Variants in KALRN observed in about 807,000 individuals in gnomAD.
The protein encoded by KALRN is kalirin RhoGEF kinase, also known as kalirin.
KALRN carries 70 observed loss-of-function variants against 353.7 expected under a neutral mutation model. That is an observed-to-expected ratio of 0.20 (90% confidence interval 0.16 to 0.24). The LOEUF is 0.24. Ranked by LOEUF, KALRN falls within the 10% of genes least tolerant of loss-of-function variation. The pLI, the probability that KALRN is intolerant of heterozygous loss-of-function variation, is 1.00. For synonymous variants in KALRN, 1,391 were observed against 1,434.8 expected (o/e 0.97, Z 0.69); for missense variants, 2,791 against 3,756.7 (o/e 0.74, Z 6.72).
At chr3:124,711,878 C>T (rs1232761239) in intron 57 of KALRN, among the ~76,000 whole-genome samples, 2 of 152,146 alleles carry the variant, frequency 1.3e-5, no homozygotes, top group Non-Finnish European at 2.9e-5. Context: ...CATAGGAGAT[C>T]TATTTTGCTA....
intron 1 of KALRN, among the ~76,000 whole-genome samples, chr3:124,054,951 T>C (rs2041387922): frequency 7.8e-6 from 1 of 128,314 alleles, no homozygotes; most frequent in South Asian, 3.3e-4. Context: ...TTTTAATTAG[T>C]GGAGTTTATA....
At chr3:124,440,410 A>G (rs2150577318) in intron 18 of KALRN, among the ~76,000 whole-genome samples, 1 of 152,266 alleles carries the variant, frequency 6.6e-6, no homozygotes, top group East Asian at 1.9e-4. Context: ...CCCAGTAAAT[A>G]GAATATTGAG....
chr3:124,695,857 T>C (rs2150614375), intron 53 of KALRN, among the ~76,000 whole-genome samples: 1 of 152,332 alleles, frequency 6.6e-6, no homozygotes. Context: ...CAACTTTATA[T>C]ATTTCAAACA....
chr3:124,657,680 T>C (rs911244556), intron 40 of KALRN, 54 bp from the exon 41 acceptor site: 2 of 1,438,594 alleles, frequency 1.4e-6, no homozygotes, highest in Non-Finnish European at 2.0e-6. Context: ...TATTGAGAAA[T>C]AATACAGTTC....
At chr3:124,123,656 A>T (rs1331459913) in intron 1 of KALRN, among the ~76,000 whole-genome samples, 3 of 152,266 alleles carry the variant, frequency 2.0e-5, no homozygotes, top group African/African-American at 7.2e-5. Flanking sequence ...TAGATGAAAT[A>T]GCCTTCTATT....
At chr3:124,130,966 G>A (rs564775540) in intron 1 of KALRN, among the ~76,000 whole-genome samples, 15 of 152,250 alleles carry the variant, frequency 9.9e-5, no homozygotes, top group African/African-American at 3.6e-4. Context: ...TGACTGGAAG[G>A]GGGCATGAGG....
intron 1 of KALRN, among the ~76,000 whole-genome samples, chr3:124,035,936 G>A (rs868713160): frequency 6.6e-6 from 1 of 152,224 alleles, no homozygotes; most frequent in South Asian, 2.1e-4. Context: ...GTTGCAAGAG[G>A]GGGTAGGTCA....
chr3:124,081,038 C>T (rs1179978896), intron 1 of KALRN, among the ~76,000 whole-genome samples: 1 of 152,172 alleles, frequency 6.6e-6, no homozygotes, highest in African/African-American at 2.4e-5. Context: ...AGCAATTCTA[C>T]CCAACTATAC....
chr3:124,519,378 C>G, intron 33 of KALRN: 1 of 985,384 alleles, frequency 1.0e-6, no homozygotes, highest in South Asian at 4.7e-5. Flanking sequence ...AGAGCCCCAA[C>G]CCCAAACACA....
At chr3:124,187,056 C>T (rs1257698480) in intron 1 of KALRN, among the ~76,000 whole-genome samples, 1 of 152,060 alleles carries the variant, frequency 6.6e-6, no homozygotes, top group African/African-American at 2.4e-5. Context: ...AGGACCTGGA[C>T]ATGTAGATTG....
intron 25 of KALRN, among the ~76,000 whole-genome samples, chr3:124,465,514 T>TC (rs1553989559): frequency 1.5e-4 from 23 of 152,196 alleles, no homozygotes; most frequent in Non-Finnish European, 7.4e-5. Context: ...TATGATTTTT[T>TC]CCCCATCACT....
intron 1 of KALRN, among the ~76,000 whole-genome samples, chr3:124,089,545 A>G (rs781232954): frequency 2.0e-5 from 3 of 152,170 alleles, no homozygotes; most frequent in Non-Finnish European, 4.4e-5. Context: ...GAACTGCATG[A>G]CTGGCTGCGA....
At chr3:124,662,378 T>A (rs988002509) in intron 45 of KALRN, among the ~76,000 whole-genome samples, 1 of 151,832 alleles carries the variant, frequency 6.6e-6, no homozygotes, top group African/African-American at 2.4e-5. Context: ...TATTTTTAAA[T>A]ATTTTTTATA....
intron 1 of KALRN, among the ~76,000 whole-genome samples, chr3:124,213,151 T>C (rs929663051): frequency 6.6e-6 from 1 of 152,106 alleles, no homozygotes; most frequent in Non-Finnish European, 1.5e-5. Context: ...ATGCATGTTT[T>C]CTCTTAAGGT....
At chr3:124,279,022 G>A (rs990786733) in intron 5 of KALRN, among the ~76,000 whole-genome samples, 1 of 152,080 alleles carries the variant, frequency 6.6e-6, no homozygotes, top group African/African-American at 2.4e-5. Context: ...CATCTCCTCA[G>A]GCCTGTCCTT....
At chr3:124,361,621 G>A (rs1331476360) in intron 10 of KALRN, among the ~76,000 whole-genome samples, 1 of 152,242 alleles carries the variant, frequency 6.6e-6, no homozygotes, top group African/African-American at 2.4e-5. Flanking sequence ...ATTGAAGACA[G>A]AGGGCTGGGT....
intron 1 of KALRN, among the ~76,000 whole-genome samples, chr3:124,074,109 C>T (rs1215834550): frequency 4.6e-5 from 7 of 152,012 alleles, no homozygotes; most frequent in Admixed American, 4.6e-4. Flanking sequence ...TACAAGGGAA[C>T]AGTGGGGCTA....
intron 35 of KALRN, 112 bp downstream of exon 35, chr3:124,632,815 G>A: frequency 9.7e-7 from 1 of 1,030,998 alleles, no homozygotes; most frequent in East Asian, 2.4e-5. Context: ...GTTACCTTGA[G>A]CCTAAGTGAT....
chr3:124,189,910 G>T (rs1431292412), intron 1 of KALRN, among the ~76,000 whole-genome samples: 1 of 144,344 alleles, frequency 6.9e-6, no homozygotes, highest in Non-Finnish European at 1.5e-5. Flanking sequence ...CTGCACTCCA[G>T]CCTGGCAACA....
Sources: gnomAD v4.1 joint callset for allele counts (sites outside exome capture counted in the v4.1 genomes callset) on GRCh38, gnomAD v4.1.1 for gene constraint, MANE v1.5 for transcripts, NCBI Gene and HGNC (gene_info 2026-07-23, HGNC 2026-07-21) for gene names.